The following NHSL1 variants were observed in gnomAD, a reference collection of about 807,000 sequenced individuals.
NHSL1 encodes the protein NHS-like protein 1.
NHSL1 carries 48 observed loss-of-function variants against 95.0 expected under a neutral mutation model. The ratio of observed to expected loss-of-function variants is 0.51; its 90% CI spans 0.40 to 0.64. NHSL1 has a LOEUF of 0.64. Among genes scored for constraint, NHSL1 ranks in the 30% least tolerant of loss-of-function variants. The pLI is 0.00. For synonymous variants in NHSL1, 783 were observed against 833.9 expected (o/e 0.94, Z 1.05); for missense variants, 1,971 against 2,077.7 (o/e 0.95, Z 1.00).
intron 1 of NHSL1, among the ~76,000 whole-genome samples, chr6:138,673,044 TAGATAG>T (rs960305546): frequency 1.3e-5 from 2 of 151,218 alleles, no homozygotes; most frequent in Admixed American, 1.3e-4. Flanking sequence ...GATAGATAGA[TAGATAG>T]ATAGATAGAT....
At chr6:138,638,337 T>C (rs952605580) in intron 1 of NHSL1, among the ~76,000 whole-genome samples, 1 of 152,186 alleles carries the variant, frequency 6.6e-6, no homozygotes, top group Non-Finnish European at 1.5e-5. Context: ...TAAAAGAGTA[T>C]AATTGGATTG....
At chr6:138,678,803 C>G (rs1785478561) in intron 1 of NHSL1, among the ~76,000 whole-genome samples, 1 of 152,128 alleles carries the variant, frequency 6.6e-6, no homozygotes, top group African/African-American at 2.4e-5. Context: ...TAGTAAGTAT[C>G]CTATAAGTGT....
At chr6:138,427,177 A>C (rs942421899) in intron 7 of NHSL1, among the ~76,000 whole-genome samples, 1 of 152,222 alleles carries the variant, frequency 6.6e-6, no homozygotes, top group Non-Finnish European at 1.5e-5. Context: ...ACAAGTCACA[A>C]CTAAACTTGA....
chr6:138,536,603 T>C (rs1423979209), intron 1 of NHSL1, among the ~76,000 whole-genome samples: 8 of 23,612 alleles, frequency 3.4e-4, no homozygotes, highest in Non-Finnish European at 5.9e-5. Context: ...ATATGTCATC[T>C]TTTTTTTTTT....
rs1390403525 is a variant in NHSL1 at position 138,610,539 on chromosome 6, T to TAAAAAAAA, written c.96+81936_96+81937insTTTTTTTT. ...ATGTACCCTAGAACTAAAAGTATAA[T>TAAAAAAAA]AATAAAAAAATATATATATATTATA... On this transcript the variant is annotated intron_variant, in intron 1 of 3. Transcript: ENST00000491526. 6.0e-4 allele frequency among the ~76,000 whole-genome samples: 69 copies of TAAAAAAAA among 114,524 alleles called. 1 individual carries two copies. Among genetic ancestry groups the TAAAAAAAA allele is most frequent in the African/African-American group, 1.9e-3 (40 of 21,158 alleles). 75.1% of individuals were successfully genotyped at this position (114,524 alleles called of 152,430 possible). A position where few individuals can be genotyped will look rare whatever the true frequency, so the allele number is the denominator to read the frequency against.
chr6:138,680,919 C>T (rs997399304), intron 1 of NHSL1, among the ~76,000 whole-genome samples: 10 of 152,206 alleles, frequency 6.6e-5, no homozygotes, highest in Non-Finnish European at 1.2e-4. Context: ...GCCCAGCCCC[C>T]TTTACCTTTC....
intron 1 of NHSL1, among the ~76,000 whole-genome samples, chr6:138,630,222 CAA>C (rs573054036): frequency 7.2e-6 from 1 of 139,094 alleles, no homozygotes; most frequent in Non-Finnish European, 1.6e-5. Flanking sequence ...CCACTCCCAC[CAA>C]AAAAAAAAAA....
intron 1 of NHSL1, among the ~76,000 whole-genome samples, chr6:138,552,683 G>T (rs776823248): frequency 2.6e-5 from 4 of 152,078 alleles, no homozygotes; most frequent in Non-Finnish European, 5.9e-5. Flanking sequence ...AGGTAAAGAT[G>T]AGTTTCCAAG....
In NHSL1 at chr6:138,538,261, G is replaced by A. The variant is rs528780286; in HGVS notation, c.16+7362C>T. Among the ~76,000 whole-genome samples the A allele has an allele frequency of 2.6e-5, 4 of 152,300 alleles. No homozygotes were observed. The South Asian group carries it at 6.2e-4, about 24-fold the overall frequency. On this transcript the variant is annotated intron_variant, in intron 1 of 4. Transcript: ENST00000342260. ...TGCAAATCTGTAGGAGATGGCTAAG[G>A]AAGGAGAGATAGAGTACCACCACTG...
rs572880794 is a variant in NHSL1 at position 138,634,066 on chromosome 6, A to G, written c.96+58410T>C. ...TAAACTCAAACCAAAAACATAAAAG[A>G]TACACAAAAAATAAAAAGCAAGAAA... On this transcript the variant is annotated intron_variant, in intron 1 of 3. Coordinates refer to the NHSL1 transcript ENST00000491526. Among the ~76,000 whole-genome samples, 11 of 152,322 alleles carry G rather than the reference A, an allele frequency of 7.2e-5. No individual in the cohort carries two copies. In the East Asian group the frequency reaches 1.7e-3, roughly 24 times the overall value.
intron 1 of NHSL1, among the ~76,000 whole-genome samples, chr6:138,584,960 C>CCA (rs1784111518): frequency 6.6e-6 from 1 of 152,192 alleles, no homozygotes; most frequent in African/African-American, 2.4e-5. Flanking sequence ...TGGGTAAGGA[C>CCA]CACAGGGCCT....
At chr6:138,557,598 C>T (rs1030043702) in intron 1 of NHSL1, among the ~76,000 whole-genome samples, 8 of 152,218 alleles carry the variant, frequency 5.3e-5, no homozygotes, top group East Asian at 3.8e-4. Flanking sequence ...CAATATTCAG[C>T]GGCCATCAGG....
At chr6:138,672,972 G>A (rs1307429778) in intron 1 of NHSL1, among the ~76,000 whole-genome samples, 1 of 152,044 alleles carries the variant, frequency 6.6e-6, no homozygotes, top group African/African-American at 2.4e-5. Flanking sequence ...AGCCGAGATC[G>A]CACCACTGCA....
chr6:138,505,108 A>G (rs1412163862), intron 1 of NHSL1, among the ~76,000 whole-genome samples: 1 of 152,198 alleles, frequency 6.6e-6, no homozygotes, highest in African/African-American at 2.4e-5. Context: ...GAACTCAGAC[A>G]TAGCCTTGCC....
Position 138,681,569 on chromosome 6 carries a change from G to A in NHSL1, c.96+10907C>T, listed in dbSNP as rs116785959. 5.2e-3 allele frequency among the ~76,000 whole-genome samples: 788 copies of A among 152,314 alleles called. 8 individuals are homozygous for A. The highest frequency in any genetic ancestry group is 0.018 in the African/African-American group (753 of 41,572). On this transcript the variant is annotated intron_variant, in intron 1 of 3. Coordinates refer to the NHSL1 transcript ENST00000491526. ...CACCTGGAATATCCTGGGAGAAGCA[G>A]GCTAGTGCCCTTGCCTGGATGGTGG...
chr6:138,594,461 TTGAG>T (rs1784275115), intron 1 of NHSL1, among the ~76,000 whole-genome samples: 1 of 152,042 alleles, frequency 6.6e-6, no homozygotes, highest in Non-Finnish European at 1.5e-5. Context: ...CGTGACATCG[TTGAG>T]TGTTTTCCCT....
At chr6:138,551,340 T>C (rs1275769200) in intron 1 of NHSL1, among the ~76,000 whole-genome samples, 1 of 152,206 alleles carries the variant, frequency 6.6e-6, no homozygotes, top group Non-Finnish European at 1.5e-5. Flanking sequence ...TTTTAAAGCA[T>C]GAGAAGCTTG....
intron 1 of NHSL1, among the ~76,000 whole-genome samples, chr6:138,684,475 A>C (rs1055345695): frequency 3.9e-5 from 6 of 151,958 alleles, no homozygotes; most frequent in African/African-American, 1.5e-4. Flanking sequence ...GCAAAACCCC[A>C]TCTCTACTAA....
At chr6:138,667,317 A>T (rs1296685784) in intron 1 of NHSL1, among the ~76,000 whole-genome samples, 1 of 152,260 alleles carries the variant, frequency 6.6e-6, no homozygotes, top group African/African-American at 2.4e-5. Context: ...TAAATTTTTT[A>T]AATTATTAAA....
Sources: gnomAD v4.1 joint callset for allele counts (sites outside exome capture counted in the v4.1 genomes callset) on GRCh38, gnomAD v4.1.1 for gene constraint, MANE v1.5 for transcripts, NCBI Gene and HGNC (gene_info 2026-07-23, HGNC 2026-07-21) for gene names.